The following SLC24A3 variants were observed in gnomAD, a reference collection of about 807,000 sequenced individuals.
SLC24A3 encodes sodium/potassium/calcium exchanger 3.
In SLC24A3, 28 loss-of-function variants were observed where a neutral mutation model predicts 75.8. The observed-to-expected ratio is 0.37, with a 90% confidence interval of 0.27 to 0.51. The LOEUF (loss-of-function observed/expected upper bound fraction) is 0.51. Ranked by LOEUF, SLC24A3 falls within the 20% of genes least tolerant of loss-of-function variation. The pLI is 0.94. For synonymous variants in SLC24A3, 372 were observed against 334.1 expected (o/e 1.11, Z -1.24); for missense variants, 663 against 847.8 (o/e 0.78, Z 2.71).
chr20:19,691,675 T>C (rs2032746829), intron 12 of SLC24A3, among the ~76,000 whole-genome samples: 1 of 152,096 alleles, frequency 6.6e-6, no homozygotes, highest in South Asian at 2.1e-4. Flanking sequence ...GGTGGGAATG[T>C]CCTGTCAGGT....
intron 15 of SLC24A3, among the ~76,000 whole-genome samples, chr20:19,702,053 G>A (rs1335956825): frequency 6.6e-6 from 1 of 152,122 alleles, no homozygotes; most frequent in Non-Finnish European, 1.5e-5. Context: ...ACTCACCCCA[G>A]AAGCAAACCA....
intron 2 of SLC24A3, among the ~76,000 whole-genome samples, chr20:19,285,589 C>T (rs1447180722): frequency 7.9e-6 from 1 of 126,366 alleles, no homozygotes; most frequent in Non-Finnish European, 1.6e-5. Context: ...ACTGCATGAA[C>T]AAGACTGACT....
At chr20:19,576,526 G>T (rs1191612869) in intron 3 of SLC24A3, among the ~76,000 whole-genome samples, 1 of 152,118 alleles carries the variant, frequency 6.6e-6, no homozygotes, top group Non-Finnish European at 1.5e-5. Flanking sequence ...TCATCACCTC[G>T]CAGGCCTCTC....
chr20:19,562,176 G>C (rs1033526067), intron 3 of SLC24A3, among the ~76,000 whole-genome samples: 2 of 152,126 alleles, frequency 1.3e-5, no homozygotes, highest in African/African-American at 4.8e-5. Flanking sequence ...TTAAATTTTA[G>C]CTCTCTGCTT....
At chr20:19,563,346 C>T (rs2030906219) in intron 3 of SLC24A3, among the ~76,000 whole-genome samples, 1 of 152,120 alleles carries the variant, frequency 6.6e-6, no homozygotes, top group African/African-American at 2.4e-5. Flanking sequence ...AATACACCCA[C>T]AAGAAGTTGC....
rs921831766 is a variant in SLC24A3, at chr20:19,594,380, G to A, written c.612+8836G>A. ...AGGACCTGAGGCCTGAGACCTCCTA[G>A]AATCTAAAAATGCAGGCCTGTCTGT... On this transcript the variant is annotated intron_variant, in intron 6 of 16. Coordinates refer to ENST00000328041, the MANE Select transcript of SLC24A3 (RefSeq NM_020689.4). 2.0e-5 allele frequency among the ~76,000 whole-genome samples: 3 copies of A among 152,190 alleles called. No homozygotes were observed. In the East Asian group the frequency reaches 5.8e-4, roughly 29 times the overall value.
intron 1 of SLC24A3, chr20:19,257,709 A>C (rs1982858404): frequency 1.3e-5 from 2 of 152,208 alleles, no homozygotes; most frequent in South Asian, 4.1e-4. Flanking sequence ...CAAGAACCAG[A>C]GTGTGTTCAT....
chr20:19,454,989 C>T (rs768507055), intron 2 of SLC24A3, among the ~76,000 whole-genome samples: 6 of 152,148 alleles, frequency 3.9e-5, no homozygotes, highest in South Asian at 4.1e-4. Flanking sequence ...AACTCCTTCC[C>T]GCTCCCTTCC....
At chr20:19,275,953 C>T (rs1263198327) in intron 1 of SLC24A3, among the ~76,000 whole-genome samples, 5 of 152,170 alleles carry the variant, frequency 3.3e-5, no homozygotes, top group Admixed American at 3.3e-4. Context: ...CATGCAACTT[C>T]CAGGGCCTGG....
chr20:19,470,518 A>G (rs993386876), intron 2 of SLC24A3, among the ~76,000 whole-genome samples: 1 of 152,198 alleles, frequency 6.6e-6, no homozygotes, highest in African/African-American at 2.4e-5. Flanking sequence ...ATGGTCACTC[A>G]GATGCACAGC....
intron 1 of SLC24A3, among the ~76,000 whole-genome samples, chr20:19,273,977 G>T (rs548598054): frequency 6.6e-6 from 1 of 150,896 alleles, no homozygotes; most frequent in Non-Finnish European, 1.5e-5. Context: ...ATCCAAAGGC[G>T]AAGAGGGGAG....
At chr20:19,239,684 A>G (rs6106042) in intron 1 of SLC24A3, among the ~76,000 whole-genome samples, 23,843 of 152,066 alleles carry the variant, frequency 0.16, 3,501 homozygotes, top group East Asian at 0.81. Context: ...CAGGTAACCA[A>G]TTTGATCCAC....
intron 3 of SLC24A3, among the ~76,000 whole-genome samples, chr20:19,537,768 TATTGCAAGGACAAA>T (rs2030424715): frequency 6.6e-6 from 1 of 150,524 alleles, no homozygotes; most frequent in Non-Finnish European, 1.5e-5. Context: ...CTGAGCAAAC[TATTGCAAGGACAAA>T]AAACCAAACA....
At chr20:19,678,759 G>C (rs1362016140) in intron 9 of SLC24A3, among the ~76,000 whole-genome samples, 3 of 148,666 alleles carry the variant, frequency 2.0e-5, no homozygotes, top group African/African-American at 7.5e-5. Flanking sequence ...GGCGGCTGCC[G>C]GGCGGAGGGG....
Position 19,630,481 on chromosome 20 carries a change from G to T in SLC24A3, c.613-23581G>T, listed in dbSNP as rs1035870332. On this transcript the variant is annotated intron_variant, in intron 6 of 16. Coordinates refer to ENST00000328041, the MANE Select transcript of SLC24A3 (RefSeq NM_020689.4). Reference sequence around the variant, plus strand: ...AACTCTAGCTTTGTTTTGAAAGAAGGTCTGATGGTGAAATTAAATAACAAG... The same window carrying T: ...AACTCTAGCTTTGTTTTGAAAGAAGTTCTGATGGTGAAATTAAATAACAAG... Among the ~76,000 whole-genome samples the T allele has an allele frequency of 9.2e-5, 14 of 152,278 alleles. No individual in the cohort carries two copies. In the East Asian group the frequency reaches 1.5e-3, roughly 17 times the overall value.
At chr20:19,281,874 C>T (rs753790722) in intron 2 of SLC24A3, among the ~76,000 whole-genome samples, 2 of 152,182 alleles carry the variant, frequency 1.3e-5, no homozygotes, top group Admixed American at 1.3e-4. Context: ...AAAAAGCATT[C>T]TTATCTCACA....
At chr20:19,263,801 G>A (rs937338762) in intron 1 of SLC24A3, among the ~76,000 whole-genome samples, 1 of 152,224 alleles carries the variant, frequency 6.6e-6, no homozygotes, top group African/African-American at 2.4e-5. Flanking sequence ...AAAGTGAGAA[G>A]AATAAAGTGG....
At chr20:19,215,818 TACTGAAAACATTTTCC>T (rs1981537944) in intron 1 of SLC24A3, among the ~76,000 whole-genome samples, 1 of 152,260 alleles carries the variant, frequency 6.6e-6, no homozygotes, top group East Asian at 1.9e-4. Context: ...TTTGGTTATA[TACTGAAAACATTTTCC>T]ACATATTCAG....
intron 3 of SLC24A3, among the ~76,000 whole-genome samples, chr20:19,568,915 T>G (rs2031004486): frequency 6.6e-6 from 1 of 152,294 alleles, no homozygotes; most frequent in South Asian, 2.1e-4. Flanking sequence ...CAGAGAGACT[T>G]TTTTAATGAT....
Sources: allele counts gnomAD v4.1 joint callset (sites outside exome capture counted in the v4.1 genomes callset), GRCh38; gene constraint gnomAD v4.1.1; transcripts MANE v1.5; gene names NCBI Gene and HGNC (gene_info 2026-07-23, HGNC 2026-07-21).